EVA1A: variants seen among roughly 807,000 people sequenced by gnomAD.
The protein encoded by EVA1A is eva-1 homolog A, regulator of programmed cell death.
A neutral mutation model predicts 9.8 loss-of-function variants in EVA1A; 7 were observed. That is an observed-to-expected ratio of 0.71 (90% CI 0.41 to 1.34). The LOEUF is 1.34. Among genes scored for constraint, EVA1A ranks in the 40% most tolerant of loss-of-function variants. EVA1A has a pLI of 0.01. For missense variants in EVA1A, 206 were observed against 205.9 expected (o/e 1.00, Z 0.00); for synonymous variants, 90 against 85.6 (o/e 1.05, Z -0.28).
chr2:75,507,238 G>A (rs1177325521), intron 3 of EVA1A, among the ~76,000 whole-genome samples: 1 of 152,190 alleles, frequency 6.6e-6, no homozygotes, highest in Non-Finnish European at 1.5e-5. Context: ...CAAGATGAAA[G>A]TCAACAGGCC....
intron 3 of EVA1A, among the ~76,000 whole-genome samples, chr2:75,517,206 C>T (rs545173597): frequency 6.6e-6 from 1 of 152,188 alleles, no homozygotes; most frequent in East Asian, 1.9e-4. Context: ...GTTTGCATTT[C>T]AACTCTTAGA....
intron 1 of EVA1A, among the ~76,000 whole-genome samples, chr2:75,527,099 T>C (rs370521508): frequency 1.3e-5 from 2 of 152,296 alleles, no homozygotes; most frequent in East Asian, 1.9e-4. Flanking sequence ...AGGAGTGTTC[T>C]AGCAAGACAG....
chr2:75,533,795 TTTTA>T (rs1675769123), intron 1 of EVA1A, among the ~76,000 whole-genome samples: 1 of 150,900 alleles, frequency 6.6e-6, no homozygotes, highest in Non-Finnish European at 1.5e-5. Context: ...TATTATTTTA[TTTTA>T]TTTTATTATT....
intron 1 of EVA1A, among the ~76,000 whole-genome samples, chr2:75,544,538 G>C (rs189022866): frequency 6.6e-6 from 1 of 152,108 alleles, no homozygotes; most frequent in South Asian, 2.1e-4. Context: ...TGAAGTTTGA[G>C]CTCAAAATGC....
chr2:75,553,373 T>A (rs1207510115), intron 1 of EVA1A, among the ~76,000 whole-genome samples: 1 of 152,264 alleles, frequency 6.6e-6, no homozygotes, highest in Non-Finnish European at 1.5e-5. Context: ...CTCTGGTGAT[T>A]TGGGAATCAA....
intron 1 of EVA1A, among the ~76,000 whole-genome samples, chr2:75,567,286 C>T (rs1677046502): frequency 6.6e-6 from 1 of 152,154 alleles, no homozygotes; most frequent in Non-Finnish European, 1.5e-5. Flanking sequence ...GAAAACTATA[C>T]ATTTTTAGAG....
intron 3 of EVA1A, among the ~76,000 whole-genome samples, chr2:75,508,116 A>G (rs1362078212): frequency 6.6e-6 from 1 of 152,136 alleles, no homozygotes; most frequent in African/African-American, 2.4e-5. Context: ...TCAGCTGAGG[A>G]GGATGTATGT....
At chr2:75,543,915 G>T (rs1333441694) in intron 1 of EVA1A, among the ~76,000 whole-genome samples, 1 of 152,128 alleles carries the variant, frequency 6.6e-6, no homozygotes, top group East Asian at 1.9e-4. Context: ...CTAACACAAT[G>T]GAGGTCAACT....
intron 1 of EVA1A, among the ~76,000 whole-genome samples, chr2:75,545,933 G>A (rs1251898392): frequency 6.6e-6 from 1 of 152,132 alleles, no homozygotes; most frequent in African/African-American, 2.4e-5. Context: ...GATAATAGCT[G>A]AGAATGGGGG....
intron 3 of EVA1A, among the ~76,000 whole-genome samples, chr2:75,509,094 A>G (rs1379749350): frequency 2.7e-4 from 41 of 152,182 alleles, no homozygotes; most frequent in Admixed American, 2.7e-3. Flanking sequence ...CAAATCGAGG[A>G]ACCCAAATAA....
intron 2 of EVA1A, among the ~76,000 whole-genome samples, chr2:75,519,971 A>G (rs1304682232): frequency 6.6e-6 from 1 of 152,140 alleles, no homozygotes; most frequent in Non-Finnish European, 1.5e-5. Flanking sequence ...CTATAGTACA[A>G]ATATGATCAC....
chr2:75,513,024 A>G (rs182611153), intron 3 of EVA1A, among the ~76,000 whole-genome samples: 146 of 152,306 alleles, frequency 9.6e-4, no homozygotes, highest in Non-Finnish European at 6.8e-4. Flanking sequence ...GATCTACTGG[A>G]ACCTCCTTCC....
intron 2 of EVA1A, among the ~76,000 whole-genome samples, 173 bp from the exon 3 acceptor site, chr2:75,518,381 G>C (rs1038971455): frequency 2.0e-5 from 3 of 152,138 alleles, no homozygotes; most frequent in African/African-American, 7.2e-5. Context: ...TGGGGGTATA[G>C]CTTCACTATA....
At chr2:75,553,508 G>A (rs1676597232) in intron 1 of EVA1A, among the ~76,000 whole-genome samples, 1 of 152,204 alleles carries the variant, frequency 6.6e-6, no homozygotes, top group Non-Finnish European at 1.5e-5. Context: ...TGGGCACAAA[G>A]AGTATCTTGT....
At chr2:75,559,289 T>C (rs1676830507) in intron 1 of EVA1A, among the ~76,000 whole-genome samples, 1 of 152,210 alleles carries the variant, frequency 6.6e-6, no homozygotes, top group Non-Finnish European at 1.5e-5. Context: ...CTCCAGACAT[T>C]GCTGGATGTC....
At chr2:75,496,457 T>C (rs1208340999) in intron 3 of EVA1A, among the ~76,000 whole-genome samples, 2 of 151,994 alleles carry the variant, frequency 1.3e-5, no homozygotes, top group African/African-American at 4.8e-5. Flanking sequence ...ATAAAATACC[T>C]AAAAAATAGC....
intron 1 of EVA1A, among the ~76,000 whole-genome samples, chr2:75,556,005 A>G (rs1412637374): frequency 6.6e-6 from 1 of 152,084 alleles, no homozygotes; most frequent in Non-Finnish European, 1.5e-5. Context: ...CAGATCTCTT[A>G]TTCTATTTAA....
At chr2:75,519,453 A>G (rs951471819) in intron 2 of EVA1A, among the ~76,000 whole-genome samples, 3 of 152,202 alleles carry the variant, frequency 2.0e-5, no homozygotes, top group Non-Finnish European at 2.9e-5. Flanking sequence ...GCTTCAGGAA[A>G]GACCAAAACA....
At chr2:75,494,377 A>T (rs982064784) in intron 3 of EVA1A, among the ~76,000 whole-genome samples, 1 of 152,194 alleles carries the variant, frequency 6.6e-6, no homozygotes, top group Non-Finnish European at 1.5e-5. Context: ...GGACGACTGT[A>T]GGATATGGCA....
Sources: gnomAD v4.1 joint callset for allele counts (sites outside exome capture counted in the v4.1 genomes callset) on GRCh38, gnomAD v4.1.1 for gene constraint, MANE v1.5 for transcripts, NCBI Gene and HGNC (gene_info 2026-07-23, HGNC 2026-07-21) for gene names.